The following DPP10 variants were observed in gnomAD, a reference collection of about 807,000 sequenced individuals.
DPP10 encodes the protein dipeptidyl peptidase like 10.
Under a neutral mutation model 120.9 loss-of-function variants are expected in DPP10, and 33 were observed. That is an observed-to-expected ratio of 0.27 (90% CI 0.21 to 0.37). The LOEUF is 0.37. DPP10 is among the 10% of genes least tolerant of loss of function. The probability of loss-of-function intolerance (pLI) is 1.00; values close to 1 mark genes in which losing one functional copy is unlikely to be tolerated. For missense variants in DPP10, 816 were observed against 942.8 expected, an observed-to-expected ratio of 0.87 and a Z score of 1.76; for synonymous variants, 337 against 326.1, an observed-to-expected ratio of 1.03 and a Z score of -0.36.
chr2:114,830,040 C>G (rs967489760), intron 1 of DPP10, among the ~76,000 whole-genome samples: 3 of 152,124 alleles, frequency 2.0e-5, no homozygotes, highest in Non-Finnish European at 2.9e-5. Flanking sequence ...CTGCTGTCCT[C>G]TCCTGGGCTG....
intron 15 of DPP10, 93 bp downstream of exon 15, chr2:115,777,927 T>C: frequency 1.5e-6 from 2 of 1,345,144 alleles, no homozygotes; most frequent in Non-Finnish European, 2.1e-6. Context: ...TGAAATGTCT[T>C]TTTCAACATG....
At chr2:115,367,103 C>T (rs765473981) in intron 3 of DPP10, among the ~76,000 whole-genome samples, 5 of 152,006 alleles carry the variant, frequency 3.3e-5, no homozygotes, top group Non-Finnish European at 7.4e-5. Flanking sequence ...AGGTCACATA[C>T]TTTAAGTAGT....
At chr2:115,586,920 A>T (rs1380055290) in intron 5 of DPP10, among the ~76,000 whole-genome samples, 1 of 152,064 alleles carries the variant, frequency 6.6e-6, no homozygotes, top group African/African-American at 2.4e-5. Context: ...TTCTAAGTAT[A>T]TATGTGATGA....
In DPP10 at chr2:114,861,790, C is replaced by T. The variant is rs140164983; in HGVS notation, c.60+418952C>T. Reference sequence around the variant, plus strand: ...TTTATTTTTTCTGATATAACCTCTTCTACAAAATAGCAAAGTAACATTGGG... The same window carrying T: ...TTTATTTTTTCTGATATAACCTCTTTTACAAAATAGCAAAGTAACATTGGG... On this transcript the variant is annotated intron_variant, in intron 1 of 25. Coordinates refer to ENST00000410059, the MANE Select transcript of DPP10 (RefSeq NM_020868.6). 9.2e-3 allele frequency among the ~76,000 whole-genome samples: 1,407 copies of T among 152,182 alleles called. 21 individuals are homozygous for T. The highest frequency in any genetic ancestry group is 0.032 in the African/African-American group (1,329 of 41,506).
intron 1 of DPP10, among the ~76,000 whole-genome samples, chr2:114,850,891 G>A (rs1389113758): frequency 1.3e-5 from 2 of 151,770 alleles, no homozygotes; most frequent in African/African-American, 2.4e-5. Flanking sequence ...ATGTTAGTGT[G>A]TATTTTCTTC....
At chr2:115,396,133 A>C (rs979361491) in intron 3 of DPP10, among the ~76,000 whole-genome samples, 2 of 152,124 alleles carry the variant, frequency 1.3e-5, no homozygotes, top group Admixed American at 6.6e-5. Context: ...TCCAGGCATG[A>C]GGATGGCTGC....
At chr2:115,083,947 G>T (rs2104512746) in intron 1 of DPP10, among the ~76,000 whole-genome samples, 1 of 152,242 alleles carries the variant, frequency 6.6e-6, no homozygotes, top group South Asian at 2.1e-4. Context: ...ACTGCAATAA[G>T]GAAGAGGATC....
chr2:115,327,360 A>G (rs1207243606), intron 2 of DPP10, among the ~76,000 whole-genome samples: 9 of 152,034 alleles, frequency 5.9e-5, no homozygotes, highest in African/African-American at 2.2e-4. Flanking sequence ...CAGTTGTTAA[A>G]AATCATGATG....
At chr2:114,997,938 T>C (rs563007173) in intron 1 of DPP10, among the ~76,000 whole-genome samples, 1 of 152,312 alleles carries the variant, frequency 6.6e-6, no homozygotes, top group Non-Finnish European at 1.5e-5. Context: ...TACACATAGT[T>C]TGAGGGTAAC....
intron 3 of DPP10, among the ~76,000 whole-genome samples, chr2:115,409,514 G>C (rs76467879): frequency 6.6e-6 from 1 of 152,092 alleles, no homozygotes; most frequent in Non-Finnish European, 1.5e-5. Context: ...AAAAATAATA[G>C]ACATTGGCAT....
At chr2:114,551,596 G>A (rs1055793761) in intron 1 of DPP10, among the ~76,000 whole-genome samples, 1 of 152,200 alleles carries the variant, frequency 6.6e-6, no homozygotes, top group Non-Finnish European at 1.5e-5. Context: ...GATGAACACT[G>A]TTGCAGACCA....
At chr2:115,230,621 T>A (rs911175961) in intron 1 of DPP10, among the ~76,000 whole-genome samples, 3 of 152,040 alleles carry the variant, frequency 2.0e-5, no homozygotes, top group Non-Finnish European at 4.4e-5. Context: ...TTTGTAAACA[T>A]TTCAATTGTA....
chr2:115,166,328 C>T (rs917039510), intron 1 of DPP10, among the ~76,000 whole-genome samples: 17 of 150,772 alleles, frequency 1.1e-4, no homozygotes, highest in Non-Finnish European at 2.2e-4. Flanking sequence ...CATATTACTT[C>T]GAATTATTCA....
At chr2:114,451,608 A>G (rs995043470) in intron 1 of DPP10, among the ~76,000 whole-genome samples, 1 of 152,130 alleles carries the variant, frequency 6.6e-6, no homozygotes, top group Non-Finnish European at 1.5e-5. Flanking sequence ...AAAGTATTTA[A>G]TAGTTGAGAC....
chr2:115,782,483 C>T, intron 17 of DPP10, 84 bp downstream of exon 17: 1 of 1,288,858 alleles, frequency 7.8e-7, no homozygotes, highest in South Asian at 1.3e-5. Context: ...GTCATATCCT[C>T]TATAAATTCT....
chr2:115,547,866 A>G (rs770971879), intron 5 of DPP10, among the ~76,000 whole-genome samples: 1 of 152,092 alleles, frequency 6.6e-6, no homozygotes, highest in Non-Finnish European at 1.5e-5. Flanking sequence ...CACTTATCTA[A>G]CAGTCTTAAG....
intron 19 of DPP10, among the ~76,000 whole-genome samples, chr2:115,800,628 G>A (rs1280966599): frequency 6.6e-6 from 1 of 152,052 alleles, no homozygotes; most frequent in African/African-American, 2.4e-5. Flanking sequence ...TGTAAGGGAG[G>A]GATCCAGTTT....
chr2:115,292,087 T>C (rs560650070), intron 1 of DPP10, among the ~76,000 whole-genome samples: 1 of 152,282 alleles, frequency 6.6e-6, no homozygotes, highest in Non-Finnish European at 1.5e-5. Flanking sequence ...AAAAAAATTA[T>C]TCCATTTAGA....
chr2:114,709,146 T>A (rs1264712234), intron 1 of DPP10, among the ~76,000 whole-genome samples: 1 of 152,192 alleles, frequency 6.6e-6, no homozygotes, highest in Non-Finnish European at 1.5e-5. Context: ...GTCAGCTGCT[T>A]GCATTTGACC....
Sources: allele counts gnomAD v4.1 joint callset (sites outside exome capture counted in the v4.1 genomes callset), GRCh38; gene constraint gnomAD v4.1.1; transcripts MANE v1.5; gene names NCBI Gene and HGNC (gene_info 2026-07-23, HGNC 2026-07-21).